SYNRG: variants seen among roughly 807,000 people sequenced by gnomAD.
SYNRG encodes the protein AP1 gamma subunit binding protein 1.
In SYNRG, 37 loss-of-function variants were observed where a neutral mutation model predicts 130.9. The ratio of observed to expected loss-of-function variants is 0.28; its 90% CI spans 0.22 to 0.37. The LOEUF (loss-of-function observed/expected upper bound fraction) is 0.37, where lower values mean the gene tolerates loss of function less well. Among genes scored for constraint, SYNRG ranks in the 10% least tolerant of loss-of-function variants. The pLI, the probability that SYNRG is intolerant of heterozygous loss-of-function variation, is 1.00. For missense variants in SYNRG, 1,338 were observed against 1,588.9 expected (o/e 0.84, Z 2.68); for synonymous variants, 539 against 568.1 (o/e 0.95, Z 0.73).
At chr17:37,602,726 C>T (rs913963165) in intron 1 of SYNRG, among the ~76,000 whole-genome samples, 2 of 152,002 alleles carry the variant, frequency 1.3e-5, no homozygotes, top group Admixed American at 6.6e-5. Flanking sequence ...GATTAACACG[C>T]GAAGGAGCAA....
intron 3 of SYNRG, among the ~76,000 whole-genome samples, chr17:37,595,860 T>C (rs190240473): frequency 1.1e-4 from 16 of 151,834 alleles, no homozygotes; most frequent in Admixed American, 3.3e-4. Context: ...GTTTAAGGGA[T>C]TGTCCTGCCT....
Position 37,596,849 on chromosome 17 carries a change from C to T in SYNRG, c.119-505G>A, listed in dbSNP as rs576205289. ...CATGATCTCAGCTCACTGCAACTTCCACCTCCTGGGTTCAAGCCTCCCAAG... is the reference window on the plus strand; with the variant it reads ...CATGATCTCAGCTCACTGCAACTTCTACCTCCTGGGTTCAAGCCTCCCAAG... On this transcript the variant is annotated intron_variant, in intron 2 of 21. Coordinates refer to ENST00000612223, the MANE Select transcript of SYNRG (RefSeq NM_007247.6). 9.2e-5 allele frequency among the ~76,000 whole-genome samples: 14 copies of T among 152,248 alleles called. No individual in the cohort carries two copies. In the East Asian group the frequency reaches 1.9e-3, roughly 21 times the overall value.
intron 19 of SYNRG, among the ~76,000 whole-genome samples, chr17:37,533,792 G>C (rs2056896894): frequency 6.6e-6 from 1 of 150,530 alleles, no homozygotes; most frequent in Non-Finnish European, 1.5e-5. Flanking sequence ...GGTCAGGCTG[G>C]TTTCGAACTC....
At position 37,518,730 on chromosome 17, in the gene SYNRG, C is replaced by T. The variant is rs1416812351; in HGVS notation, c.*210G>A. 3.9e-6 allele frequency: 2 copies of T among 516,840 alleles called. No homozygotes were observed. The highest frequency in any genetic ancestry group is 3.0e-5 in the East Asian group (1 of 32,906). The allele number at this position is 516,840 out of a possible 1,614,324, so 32.0% of individuals were successfully genotyped here. On this transcript the variant is annotated 3_prime_UTR_variant, in exon 22 of 22. Coordinates refer to ENST00000612223, the MANE Select transcript of SYNRG (RefSeq NM_007247.6). ...TCTTAAGTAGAGATAAGTGAGCAAG[C>T]TTCTGGTGCCACGTGCAGTTTGGGT...
intron 3 of SYNRG, among the ~76,000 whole-genome samples, chr17:37,590,142 T>C (rs2062035466): frequency 6.9e-6 from 1 of 145,954 alleles, no homozygotes; most frequent in Non-Finnish European, 1.5e-5. Flanking sequence ...CATTCCAGCC[T>C]GGGCGACAGG....
At chr17:37,534,084 G>A (rs1304111226) in intron 19 of SYNRG, among the ~76,000 whole-genome samples, 1 of 150,118 alleles carries the variant, frequency 6.7e-6, no homozygotes, top group Non-Finnish European at 1.5e-5. Context: ...ACAGGCACCC[G>A]CTACCATGGC....
At chr17:37,605,048 T>C (rs1330035037) in intron 1 of SYNRG, among the ~76,000 whole-genome samples, 3 of 152,190 alleles carry the variant, frequency 2.0e-5, no homozygotes, top group Non-Finnish European at 2.9e-5. Context: ...TTTGAAATAT[T>C]GTGAGAATTA....
chr17:37,597,392 A>G (rs1437139311), intron 2 of SYNRG, among the ~76,000 whole-genome samples: 1 of 152,252 alleles, frequency 6.6e-6, no homozygotes, highest in Non-Finnish European at 1.5e-5. Context: ...AAAGTTTGGG[A>G]TAATTTGTTA....
chr17:37,609,320 G>A lies in SYNRG; in HGVS notation c.36C>T (p.Gly12=), dbSNP rs1314340945. 3 of 1,465,698 alleles carry A rather than the reference G, an allele frequency of 2.0e-6. No homozygotes were observed. The highest frequency in any genetic ancestry group is 9.0e-7 in the Non-Finnish European group (1 of 1,114,904). The allele number at this position is 1,465,698 out of a possible 1,614,324, so 90.8% of individuals were successfully genotyped here. A position where few individuals can be genotyped will look rare whatever the true frequency, so the allele number is the denominator to read the frequency against. Residue 12 remains glycine, a synonymous_variant, in exon 1 of 22, where the codon GGC becomes GGT. Coordinates refer to ENST00000612223, the MANE Select transcript of SYNRG (RefSeq NM_007247.6). ...ACCCCGCGCCAGCTCCCGCGGCCCCGCCGCCACCAGAACCAGCTCCTGGCC... is the reference window on the plus strand; with the variant it reads ...ACCCCGCGCCAGCTCCCGCGGCCCCACCGCCACCAGAACCAGCTCCTGGCC... ...ALRPGAGSGG[G]GAAGAGAGSA... is the part of the protein sequence containing the mutation.
At chr17:37,538,557 C>T (rs964575893) in intron 17 of SYNRG, 137 bp from the exon 18 acceptor site, 13 of 631,054 alleles carry the variant, frequency 2.1e-5, no homozygotes, top group African/African-American at 1.9e-4. Flanking sequence ...AACAATCCTC[C>T]ATTTCTCTGG....
rs2054409464 is a variant in SYNRG, at chr17:37,516,158, G to C, written c.*2782C>G. 6.6e-6 allele frequency: 1 copy of C among 152,170 alleles called. No individual in the cohort carries two copies. The highest frequency in any genetic ancestry group is 1.5e-5 in the Non-Finnish European group (1 of 68,040). 9.4% of individuals were successfully genotyped at this position (152,170 alleles called of 1,614,324 possible). On this transcript the variant is annotated 3_prime_UTR_variant, in exon 22 of 22. Transcript: ENST00000612223. ...CCATTCAAGCAGTGGGGTGAAGCGG[G>C]CTGACACAATGCACAGTATGGAAAT...
chr17:37,604,466 C>T (rs147568135), intron 1 of SYNRG, among the ~76,000 whole-genome samples: 167 of 152,328 alleles, frequency 1.1e-3, no homozygotes, highest in Non-Finnish European at 2.1e-3. Context: ...TCAGCCTTTA[C>T]AGAATTGAAG....
chr17:37,570,754 C>T lies in SYNRG; in HGVS notation c.1230G>A (p.Ala410=), dbSNP rs766500648. ...GTCCAAGGCTGAGGGGCATGGAGCC[C>T]GCAGGACCTGAAGGTATCACAGTTG... ...SQPTVIPSGP[A]GSMPLSLGQP... Residue 410 remains alanine, a synonymous_variant, in exon 10 of 22, where the codon GCG becomes GCA. Transcript: ENST00000612223. 9.3e-6 allele frequency: 15 copies of T among 1,614,024 alleles called. No homozygotes were observed. The highest frequency in any genetic ancestry group is 4.5e-5 in the East Asian group (2 of 44,898).
At chr17:37,530,902 G>C (rs1479051303) in intron 19 of SYNRG, among the ~76,000 whole-genome samples, 1 of 152,194 alleles carries the variant, frequency 6.6e-6, no homozygotes, top group African/African-American at 2.4e-5. Context: ...TTCAGGAAAG[G>C]ATGACGGCAG....
intron 18 of SYNRG, among the ~76,000 whole-genome samples, chr17:37,538,087 T>A (rs910463257): frequency 1.3e-5 from 2 of 152,220 alleles, no homozygotes; most frequent in African/African-American, 4.8e-5. Flanking sequence ...AACACAGATA[T>A]AATTTTACAT....
At chr17:37,550,429 T>C (rs2058622685) in intron 14 of SYNRG, among the ~76,000 whole-genome samples, 1 of 152,214 alleles carries the variant, frequency 6.6e-6, no homozygotes, top group Non-Finnish European at 1.5e-5. Flanking sequence ...ACTATTGCTT[T>C]AAACTTGGTA....
In SYNRG at chr17:37,542,489, G is replaced by C. The variant is rs373227003; in HGVS notation, c.2685C>G (p.Asp895Glu). ...GAGTTGCATCATCCCTGTCTGACCA[G>C]TCATAGCTTGTAAGTGTGCTCACTG... ...NFAVSTLTSYDWSDRDDATQG... is the reference protein window; with the variant it reads ...NFAVSTLTSYEWSDRDDATQG... Residue 895 changes from aspartate to glutamate, a missense_variant, in exon 15 of 22, where the codon GAC becomes GAG. By Grantham distance (45) the Asp-to-Glu change is conservative. This residue lies in a region of SYNRG where 1,146 missense variants were observed against 1,342.3 expected (regional missense o/e 0.85). Transcript: ENST00000612223. 1 of 1,613,658 alleles carries C rather than the reference G, an allele frequency of 6.2e-7. No homozygotes were observed. The highest frequency in any genetic ancestry group is 2.2e-5 in the East Asian group (1 of 44,888).
intron 6 of SYNRG, among the ~76,000 whole-genome samples, chr17:37,584,114 C>A (rs1157111858): frequency 6.6e-6 from 1 of 152,118 alleles, no homozygotes; most frequent in African/African-American, 2.4e-5. Flanking sequence ...TTACCCTGCT[C>A]TAAAACAGGG....
chr17:37,541,887 G>C (rs1432673955), intron 15 of SYNRG, 85 bp downstream of exon 15: 1 of 1,272,924 alleles, frequency 7.9e-7, no homozygotes, highest in Non-Finnish European at 1.1e-6. Context: ...TGCGAAACCA[G>C]AGAGCAACAT....
Sources: allele counts gnomAD v4.1 joint callset (sites outside exome capture counted in the v4.1 genomes callset), GRCh38; gene constraint gnomAD v4.1.1; regional missense constraint gnomAD v4.1.1; transcripts MANE v1.5; gene names NCBI Gene and HGNC (gene_info 2026-07-23, HGNC 2026-07-21).